KCNK9: variants seen among roughly 807,000 people sequenced by gnomAD.
KCNK9 encodes the protein potassium channel subfamily K member 9.
KCNK9 carries 1 observed loss-of-function variant against 10.8 expected under a neutral mutation model. The ratio of observed to expected loss-of-function variants is 0.09; its 90% CI spans 0.03 to 0.44. The LOEUF (loss-of-function observed/expected upper bound fraction) is 0.44, where lower values mean the gene tolerates loss of function less well. Ranked by LOEUF, KCNK9 falls within the 20% of genes least tolerant of loss-of-function variation. The pLI is 0.97. For missense variants in KCNK9, 303 were observed against 515.0 expected (o/e 0.59, Z 3.98); for synonymous variants, 231 against 222.7 (o/e 1.04, Z -0.33).
At chr8:139,604,058 C>A (rs1384716241) in intron 2 of KCNK9, among the ~76,000 whole-genome samples, 1 of 152,178 alleles carries the variant, frequency 6.6e-6, no homozygotes, top group Non-Finnish European at 1.5e-5. Context: ...AGTTCTCCTT[C>A]AGGGCCAGTG....
chr8:139,687,485 TATATACAC>T (rs1201968219), intron 1 of KCNK9, among the ~76,000 whole-genome samples: 1 of 110,836 alleles, frequency 9.0e-6, no homozygotes, highest in African/African-American at 3.6e-5. Context: ...TATGTATACA[TATATACAC>T]ATATATACAT....
chr8:139,671,416 C>T (rs940478665), intron 1 of KCNK9, among the ~76,000 whole-genome samples: 43 of 152,196 alleles, frequency 2.8e-4, no homozygotes, highest in African/African-American at 9.9e-4. Context: ...CATGAACTCC[C>T]ACCAGCAAGA....
chr8:139,692,199 C>T (rs773435882), intron 1 of KCNK9, among the ~76,000 whole-genome samples: 2 of 152,240 alleles, frequency 1.3e-5, no homozygotes, highest in Non-Finnish European at 2.9e-5. Flanking sequence ...CTGCCTGCCC[C>T]ACGCTTCGCA....
At chr8:139,688,935 T>C (rs1288047701) in intron 1 of KCNK9, among the ~76,000 whole-genome samples, 1 of 152,164 alleles carries the variant, frequency 6.6e-6, no homozygotes, top group Non-Finnish European at 1.5e-5. Context: ...CAAATTCATA[T>C]GTTGATATCC....
intron 1 of KCNK9, among the ~76,000 whole-genome samples, chr8:139,689,605 G>A (rs548850813): frequency 2.6e-5 from 4 of 151,724 alleles, no homozygotes; most frequent in Admixed American, 6.6e-5. Flanking sequence ...CAAAAGAGTC[G>A]TCACTTGCAT....
At chr8:139,691,415 C>T (rs1320429530) in intron 1 of KCNK9, among the ~76,000 whole-genome samples, 1 of 152,138 alleles carries the variant, frequency 6.6e-6, no homozygotes, top group Non-Finnish European at 1.5e-5. Flanking sequence ...CCGAGGGCTG[C>T]TGAAGTTGCA....
Position 139,660,079 on chromosome 8 carries a change from A to G in KCNK9, c.284-40980T>C, listed in dbSNP as rs547526571. On this transcript the variant is annotated intron_variant, in intron 1 of 1. Transcript: ENST00000520439. ...GAAGAACGATGTAGATGTGTTGCCT[A>G]TTCAGTAAAATTGCTGGTCAGAACT... Among the ~76,000 whole-genome samples the G allele has an allele frequency of 7.9e-5, 12 of 152,278 alleles. No homozygotes were observed. The East Asian group carries it at 2.1e-3, about 27-fold the overall frequency.
chr8:139,622,813 T>G (rs1230264587), intron 1 of KCNK9, among the ~76,000 whole-genome samples: 1 of 152,234 alleles, frequency 6.6e-6, no homozygotes, highest in Non-Finnish European at 1.5e-5. Flanking sequence ...ACATGTCAGA[T>G]GTTCCCAAAT....
chr8:139,651,758 G>C (rs923281622), intron 1 of KCNK9, among the ~76,000 whole-genome samples: 1 of 152,192 alleles, frequency 6.6e-6, no homozygotes. Context: ...TGGAGAATAG[G>C]AGGAATCATG....
chr8:139,607,160 T>G (rs916339362), intron 2 of KCNK9, among the ~76,000 whole-genome samples: 6 of 152,218 alleles, frequency 3.9e-5, no homozygotes, highest in Non-Finnish European at 8.8e-5. Context: ...TCATATTATT[T>G]TTCCACCCAA....
intron 1 of KCNK9, among the ~76,000 whole-genome samples, chr8:139,673,216 G>T (rs574597342): frequency 2.6e-5 from 4 of 152,192 alleles, no homozygotes; most frequent in Admixed American, 2.6e-4. Context: ...GAGGGCCGGG[G>T]GTGATGGCTA....
At chr8:139,663,127 A>C (rs1816206119) in intron 1 of KCNK9, among the ~76,000 whole-genome samples, 1 of 152,188 alleles carries the variant, frequency 6.6e-6, no homozygotes, top group East Asian at 1.9e-4. Context: ...TCTGAAGAGG[A>C]AGAGACCCAC....
At chr8:139,632,740 G>A (rs1454140593) in intron 1 of KCNK9, among the ~76,000 whole-genome samples, 1 of 152,202 alleles carries the variant, frequency 6.6e-6, no homozygotes, top group African/African-American at 2.4e-5. Context: ...CCAGCTGTTA[G>A]GAGCCTGGGT....
At chr8:139,635,421 G>A (rs1815308474) in intron 1 of KCNK9, among the ~76,000 whole-genome samples, 2 of 152,236 alleles carry the variant, frequency 1.3e-5, no homozygotes, top group Non-Finnish European at 2.9e-5. Context: ...GGGCCGGAAG[G>A]AGGACAGGGA....
downstream of KCNK9, among the ~76,000 whole-genome samples, chr8:139,614,663 AAAAG>A (rs1483205391): frequency 1.7e-4 from 26 of 152,138 alleles, no homozygotes; most frequent in Admixed American, 1.6e-3. Flanking sequence ...AGTCCTACGT[AAAAG>A]AGTCTAACAG....
chr8:139,657,031 C>T (rs747132), intron 1 of KCNK9, among the ~76,000 whole-genome samples: 5,648 of 152,282 alleles, frequency 0.037, 321 homozygotes, highest in East Asian at 0.27. Flanking sequence ...TTTGCAGGTG[C>T]TATGTCCTCC....
At chr8:139,605,279 C>CTTGGT (rs1387877530) in intron 2 of KCNK9, among the ~76,000 whole-genome samples, 6 of 152,190 alleles carry the variant, frequency 3.9e-5, no homozygotes, top group Admixed American at 1.3e-4. Context: ...AGGTCAAACT[C>CTTGGT]TTGGTTTGGT....
intron 1 of KCNK9, among the ~76,000 whole-genome samples, chr8:139,682,028 G>C (rs943986540): frequency 6.6e-6 from 1 of 152,162 alleles, no homozygotes; most frequent in Non-Finnish European, 1.5e-5. Context: ...GAGGAAGAAC[G>C]GCAAGTTCAG....
chr8:139,608,327 T>C (rs1814301370), downstream of KCNK9, among the ~76,000 whole-genome samples: 1 of 152,080 alleles, frequency 6.6e-6, no homozygotes, highest in African/African-American at 2.4e-5. Flanking sequence ...TCCCACCCAG[T>C]GTTTTCGGTG....
Sources: gnomAD v4.1 joint callset for allele counts (sites outside exome capture counted in the v4.1 genomes callset) on GRCh38, gnomAD v4.1.1 for gene constraint, MANE v1.5 for transcripts, NCBI Gene and HGNC (gene_info 2026-07-23, HGNC 2026-07-21) for gene names.